Variants in DIS3L2 observed in about 807,000 individuals in gnomAD.
DIS3L2 encodes the protein DIS3-like exonuclease 2.
A neutral mutation model predicts 97.5 loss-of-function variants in DIS3L2; 34 were observed. The observed-to-expected ratio is 0.35, with a 90% CI of 0.27 to 0.46. The LOEUF (loss-of-function observed/expected upper bound fraction) is 0.46, where lower values mean the gene tolerates loss of function less well. Among genes scored for constraint, DIS3L2 ranks in the 20% least tolerant of loss-of-function variants. The probability of loss-of-function intolerance (pLI) is 1.00; values close to 1 mark genes in which losing one functional copy is unlikely to be tolerated. For missense variants in DIS3L2, 1,038 were observed against 1,146.0 expected (o/e 0.91, Z 1.36); for synonymous variants, 435 against 445.2 (o/e 0.98, Z 0.29).
intron 6 of DIS3L2, among the ~76,000 whole-genome samples, chr2:232,108,515 C>T (rs1697427329): frequency 6.6e-6 from 1 of 152,202 alleles, no homozygotes; most frequent in African/African-American, 2.4e-5. Flanking sequence ...CTCTCTCTCA[C>T]CACTCCTAGT....
chr2:232,144,917 T>C (rs1690176286), intron 8 of DIS3L2, among the ~76,000 whole-genome samples: 1 of 152,226 alleles, frequency 6.6e-6, no homozygotes. Flanking sequence ...ACAGAGGTGA[T>C]GTGCATCTTA....
intron 10 of DIS3L2, among the ~76,000 whole-genome samples, chr2:232,232,660 G>T (rs772960008): frequency 6.6e-6 from 1 of 152,216 alleles, no homozygotes; most frequent in Admixed American, 6.5e-5. Context: ...TTTGCTGCCA[G>T]TAGGGGCTTA....
In DIS3L2 at chr2:232,229,019, A is replaced by G. The variant is rs77223793; in HGVS notation, c.1205-9514A>G. 2.5e-3 allele frequency among the ~76,000 whole-genome samples: 374 copies of G among 152,314 alleles called. 2 individuals carry two copies. Among genetic ancestry groups the G allele is most frequent in the Non-Finnish European group, 4.5e-3 (303 of 68,022 alleles). ...AACAATCCCTGTATCTGCTGCCTCT[A>G]AAGATCATCACTGAGGACATTTTTA... On this transcript the variant is annotated intron_variant, in intron 10 of 20. Coordinates refer to ENST00000325385, the MANE Select transcript of DIS3L2 (RefSeq NM_152383.5).
In DIS3L2 at chr2:232,249,360, C is replaced by T. The variant is rs1376398773; in HGVS notation, c.1425+14C>T. On this transcript the variant is annotated intron_variant, in intron 12 of 20. Coordinates refer to ENST00000325385, the MANE Select transcript of DIS3L2 (RefSeq NM_152383.5). ...CCAGAGGGCAAGGTAACAACTTACA[C>T]GTTTTCTTTCTCCACTTACCTCTTT... is the stretch of plus-strand genomic sequence containing the variant. 1.4e-5 allele frequency: 23 copies of T among 1,611,794 alleles called. No individual in the cohort carries two copies. Among genetic ancestry groups the T allele is most frequent in the African/African-American group, 4.0e-5 (3 of 74,930 alleles).
At position 232,293,987 on chromosome 2, in the gene DIS3L2, C is replaced by T. The variant is rs534443651; in HGVS notation, c.1660-6053C>T. 6.6e-6 allele frequency among the ~76,000 whole-genome samples: 1 copy of T among 152,326 alleles called. No individual in the cohort carries two copies. The highest frequency in any genetic ancestry group is 1.9e-4 in the East Asian group (1 of 5,178). On this transcript the variant is annotated intron_variant, in intron 13 of 20. Transcript: ENST00000325385. This position sits in a 1 kb window ranked among gnomAD's most constrained non-coding sequence, Gnocchi z 4.6. ...TAGAGGGCCCGGAGGTGGCAGGGACCAGGCCTGCCTCCACCAAGGCACTGG... is the reference window on the plus strand; with the variant it reads ...TAGAGGGCCCGGAGGTGGCAGGGACTAGGCCTGCCTCCACCAAGGCACTGG...
At position 232,015,138 on chromosome 2, in the gene DIS3L2, G is replaced by A. The variant is rs111359519; in HGVS notation, c.52+159G>A. The stretch of plus-strand genomic sequence containing the variant: ...GTGATTTATTCTAGAATTAGATGTG[G>A]TTTCTTGCTGTCTTAATTTATTGTT... On this transcript the variant is annotated intron_variant, in intron 2 of 20. Coordinates refer to ENST00000325385, the MANE Select transcript of DIS3L2 (RefSeq NM_152383.5). Among the ~76,000 whole-genome samples the A allele has an allele frequency of 1.1e-4, 17 of 152,238 alleles. 2 individuals carry two copies. Among genetic ancestry groups the A allele is most frequent in the African/African-American group, 4.1e-4 (17 of 41,544 alleles).
chr2:232,103,786 G>A (rs1000795922), intron 6 of DIS3L2, among the ~76,000 whole-genome samples: 42 of 152,204 alleles, frequency 2.8e-4, no homozygotes, highest in African/African-American at 8.2e-4. Flanking sequence ...TTGAAACATG[G>A]GCTAGAGCTT....
At chr2:231,993,704 C>G (rs1045538075) in intron 1 of DIS3L2, among the ~76,000 whole-genome samples, 1 of 151,484 alleles carries the variant, frequency 6.6e-6, no homozygotes, top group East Asian at 1.9e-4. Context: ...ACATTTAAGT[C>G]CCTCCCTCTC....
chr2:232,262,179 G>A (rs937046408), intron 12 of DIS3L2, among the ~76,000 whole-genome samples: 1 of 152,064 alleles, frequency 6.6e-6, no homozygotes, highest in Non-Finnish European at 1.5e-5. Flanking sequence ...GTTAGGCCAA[G>A]CAGCCCCACC....
intron 6 of DIS3L2, among the ~76,000 whole-genome samples, chr2:232,121,222 G>A (rs1165914001): frequency 1.3e-5 from 2 of 152,062 alleles, no homozygotes; most frequent in South Asian, 4.1e-4. Context: ...TGTCACTAAG[G>A]CCACACTGCT....
At chr2:231,967,885 T>C (rs1187141053) in intron 1 of DIS3L2, among the ~76,000 whole-genome samples, 1 of 152,206 alleles carries the variant, frequency 6.6e-6, no homozygotes, top group Non-Finnish European at 1.5e-5. Context: ...CCATATTTTT[T>C]TGATTTATTT....
intron 9 of DIS3L2, among the ~76,000 whole-genome samples, chr2:232,169,593 C>T (rs1336610121): frequency 6.6e-6 from 1 of 152,080 alleles, no homozygotes; most frequent in Non-Finnish European, 1.5e-5. Flanking sequence ...TAGTGATAGT[C>T]CATGTCTGCA....
rs182705287 is a variant in DIS3L2, at chr2:232,088,478, C to T, written c.601+757C>T. Among the ~76,000 whole-genome samples, 469 of 148,884 alleles carry T rather than the reference C, an allele frequency of 3.2e-3. 2 individuals carry two copies. Among genetic ancestry groups the T allele is most frequent in the African/African-American group, 0.011 (449 of 40,374 alleles). Reference sequence around the variant, plus strand: ...TCGGGAGGCTGAGGCAGGAGAATGGCGTGAACCTGGGTGGTGGAGCTTGCG... The same window carrying T: ...TCGGGAGGCTGAGGCAGGAGAATGGTGTGAACCTGGGTGGTGGAGCTTGCG... On this transcript the variant is annotated intron_variant, in intron 6 of 20. Transcript: ENST00000325385.
intron 13 of DIS3L2, among the ~76,000 whole-genome samples, chr2:232,298,671 G>T (rs986650484): frequency 6.6e-6 from 1 of 152,010 alleles, no homozygotes; most frequent in Non-Finnish European, 1.5e-5. Context: ...AGCTGTGTTC[G>T]CAGCCTTGTA....
chr2:232,248,083 A>T (rs1415990549), intron 11 of DIS3L2, among the ~76,000 whole-genome samples: 2 of 152,218 alleles, frequency 1.3e-5, no homozygotes, highest in African/African-American at 4.8e-5. Context: ...GAGTTCTAGA[A>T]TTTACTATTC....
At chr2:232,089,893 G>A (rs950428894) in intron 6 of DIS3L2, among the ~76,000 whole-genome samples, 1 of 152,114 alleles carries the variant, frequency 6.6e-6, no homozygotes, top group African/African-American at 2.4e-5. Flanking sequence ...AAACTCTGAT[G>A]CTATACCTCC....
At chr2:232,077,316 A>C (rs1331985796) in intron 5 of DIS3L2, among the ~76,000 whole-genome samples, 3 of 145,386 alleles carry the variant, frequency 2.1e-5, no homozygotes, top group South Asian at 2.1e-4. Flanking sequence ...AAAAAAAAAA[A>C]CAGTAGATAG....
chr2:232,329,629 C>A (rs1016098242), intron 14 of DIS3L2, 184 bp from the exon 15 acceptor site: 5 of 573,944 alleles, frequency 8.7e-6, no homozygotes, highest in African/African-American at 7.7e-5. Context: ...TGCAGGGAGA[C>A]CATGGGGGTG....
chr2:232,172,591 C>T (rs1455782803), intron 9 of DIS3L2: 1 of 454,202 alleles, frequency 2.2e-6, no homozygotes, highest in Non-Finnish European at 4.7e-6. Context: ...AATAATGCTG[C>T]TATGAATATT....
Sources: gnomAD v4.1 joint callset for allele counts (sites outside exome capture counted in the v4.1 genomes callset) on GRCh38, gnomAD v4.1.1 for gene constraint, Gnocchi (gnomAD v3.1) non-coding constraint, MANE v1.5 for transcripts, NCBI Gene and HGNC (gene_info 2026-07-23, HGNC 2026-07-21) for gene names.